Variants in CCDC171 observed in about 807,000 individuals in gnomAD.
CCDC171 encodes coiled-coil domain containing 171.
Under a neutral mutation model 168.2 loss-of-function variants are expected in CCDC171, and 177 were observed. That is an observed-to-expected ratio of 1.05 (90% CI 0.93 to 1.19). The LOEUF (loss-of-function observed/expected upper bound fraction) is 1.19, where lower values mean the gene tolerates loss of function less well. Ranked by LOEUF, CCDC171 falls within the 50% of genes most tolerant of loss-of-function variation. The pLI is 0.00. For synonymous variants in CCDC171, 687 were observed against 540.8 expected, an observed-to-expected ratio of 1.27 and a Z score of -3.75; for missense variants, 1,991 against 1,539.0, an observed-to-expected ratio of 1.29 and a Z score of -4.91.
intron 7 of CCDC171, among the ~76,000 whole-genome samples, chr9:15,648,324 T>C (rs2047215455): frequency 6.6e-6 from 1 of 152,210 alleles, no homozygotes; most frequent in African/African-American, 2.4e-5. Context: ...AGCATTCCCT[T>C]TGAAAACTGG....
At chr9:16,012,368 A>G (rs925931541) in intron 3 of CCDC171, among the ~76,000 whole-genome samples, 15 of 152,252 alleles carry the variant, frequency 9.9e-5, no homozygotes, top group African/African-American at 3.6e-4. Flanking sequence ...CATTGAACAA[A>G]TACACTCATG....
chr9:15,808,856 G>A (rs1303268161), intron 21 of CCDC171, among the ~76,000 whole-genome samples: 1 of 119,246 alleles, frequency 8.4e-6, no homozygotes, highest in Non-Finnish European at 1.9e-5. Flanking sequence ...ATAAACAGCA[G>A]AAATTTTTCT....
intron 6 of CCDC171, 128 bp from the exon 7 acceptor site, chr9:15,623,139 G>T: frequency 1.9e-6 from 1 of 540,240 alleles, no homozygotes; most frequent in Admixed American, 3.3e-5. Context: ...GGCCTCTTTT[G>T]CCTATATAAA....
chr9:15,902,262 G>A (rs2794643), intron 24 of CCDC171, among the ~76,000 whole-genome samples: 81 of 142,972 alleles, frequency 5.7e-4, no homozygotes, highest in African/African-American at 2.0e-3. Context: ...ATATATATAT[G>A]TATATATATA....
intron 1 of CCDC171, among the ~76,000 whole-genome samples, chr9:16,050,285 G>T (rs916737160): frequency 6.6e-6 from 1 of 152,196 alleles, no homozygotes; most frequent in Non-Finnish European, 1.5e-5. Flanking sequence ...ATGTTTAAAG[G>T]CTAATTATTA....
intron 8 of CCDC171, among the ~76,000 whole-genome samples, chr9:16,036,976 C>T (rs78754686): frequency 0.053 from 8,006 of 152,088 alleles, 701 homozygotes; most frequent in African/African-American, 0.18. Flanking sequence ...AAGTTGTGCT[C>T]ATAGAAGTAA....
chr9:15,989,996 A>G (rs920361445), intron 3 of CCDC171, among the ~76,000 whole-genome samples: 2 of 152,208 alleles, frequency 1.3e-5, no homozygotes, highest in African/African-American at 2.4e-5. Context: ...CAAGTTGGAA[A>G]ACACTCTGCA....
intron 14 of CCDC171, among the ~76,000 whole-genome samples, chr9:15,727,215 A>G (rs886706950): frequency 5.3e-5 from 8 of 152,158 alleles, no homozygotes; most frequent in Admixed American, 4.6e-4. Flanking sequence ...GCCAAATACT[A>G]TATGAACTTA....
intron 21 of CCDC171, among the ~76,000 whole-genome samples, chr9:15,801,630 G>A (rs947520000): frequency 4.0e-5 from 6 of 151,728 alleles, no homozygotes; most frequent in Admixed American, 1.3e-4. Flanking sequence ...TTGATTGCTC[G>A]AGCTAGGACT....
the CCDC171 span, among the ~76,000 whole-genome samples, chr9:16,079,198 T>A: frequency 6.6e-6 from 1 of 152,172 alleles, no homozygotes; most frequent in African/African-American, 2.4e-5. Context: ...ACCAGCAACA[T>A]CTCTGATCCA....
chr9:15,900,922 A>G lies in CCDC171; in HGVS notation c.3601-19348A>G, dbSNP rs567157463. ...AGAGTCAACTAGCTCAGTTGCTTCC[A>G]GTGTACATCTACAGTTAGTCACCTG... On this transcript the variant is annotated intron_variant, in intron 24 of 25. Transcript: ENST00000380701. 2.6e-5 allele frequency among the ~76,000 whole-genome samples: 4 copies of G among 152,322 alleles called. No individual in the cohort carries two copies. The South Asian group carries it at 8.3e-4, about 32-fold the overall frequency.
intron 9 of CCDC171, among the ~76,000 whole-genome samples, chr9:15,675,187 GTTTTTTT>G (rs138989790): frequency 7.9e-5 from 6 of 75,530 alleles, no homozygotes; most frequent in African/African-American, 3.4e-4. Flanking sequence ...TGCAACTCCT[GTTTTTTT>G]TTTTTTTTTT....
intron 6 of CCDC171, among the ~76,000 whole-genome samples, chr9:16,025,632 C>A (rs1053113172): frequency 6.6e-6 from 1 of 152,130 alleles, no homozygotes. Flanking sequence ...AGCACTGAAA[C>A]ATGCAATAAC....
chr9:15,787,276 A>G (rs1394005273), intron 21 of CCDC171, among the ~76,000 whole-genome samples: 1 of 151,850 alleles, frequency 6.6e-6, no homozygotes, highest in Non-Finnish European at 1.5e-5. Flanking sequence ...AATATACATT[A>G]TTATTAACTG....
At chr9:15,718,399 C>G (rs1463938402) in intron 11 of CCDC171, among the ~76,000 whole-genome samples, 1 of 152,240 alleles carries the variant, frequency 6.6e-6, no homozygotes, top group Admixed American at 6.5e-5. Context: ...CCTGGGGGAG[C>G]TTGCCATCTT....
intron 3 of CCDC171, among the ~76,000 whole-genome samples, chr9:15,994,589 A>G (rs1832311148): frequency 6.6e-6 from 1 of 152,198 alleles, no homozygotes; most frequent in African/African-American, 2.4e-5. Context: ...TATATATAAA[A>G]AAAAGTTTCT....
chr9:15,677,837 CTGTG>C (rs774482581), intron 9 of CCDC171, among the ~76,000 whole-genome samples: 2 of 80,696 alleles, frequency 2.5e-5, no homozygotes, highest in Non-Finnish European at 4.9e-5. Flanking sequence ...ACACAAATGG[CTGTG>C]TGTGTGTGTG....
At chr9:15,850,486 T>C (rs1409210138) in intron 23 of CCDC171, among the ~76,000 whole-genome samples, 1 of 151,996 alleles carries the variant, frequency 6.6e-6, no homozygotes, top group African/African-American at 2.4e-5. Flanking sequence ...TCTATAGCCA[T>C]TGTAGATTTG....
intron 18 of CCDC171, among the ~76,000 whole-genome samples, chr9:15,771,806 T>C (rs1040408577): frequency 6.6e-6 from 1 of 152,158 alleles, no homozygotes; most frequent in Admixed American, 6.6e-5. Context: ...ATGATTAAAC[T>C]ATTTTTGCAG....
Sources: gnomAD v4.1 joint callset for allele counts (sites outside exome capture counted in the v4.1 genomes callset) on GRCh38, gnomAD v4.1.1 for gene constraint, MANE v1.5 for transcripts, NCBI Gene and HGNC (gene_info 2026-07-23, HGNC 2026-07-21) for gene names.